The following TXK variants were observed in gnomAD, a reference collection of about 807,000 sequenced individuals.
The protein encoded by TXK is tyrosine-protein kinase TXK.
A neutral mutation model predicts 81.0 loss-of-function variants in TXK; 60 were observed. The observed-to-expected ratio is 0.74, with a 90% confidence interval of 0.60 to 0.92. The LOEUF (loss-of-function observed/expected upper bound fraction) is 0.92. Among genes scored for constraint, TXK ranks in the 40% least tolerant of loss-of-function variants. TXK has a pLI of 0.00. For synonymous variants in TXK, 203 were observed against 210.7 expected, an observed-to-expected ratio of 0.96 and a Z score of 0.32; for missense variants, 581 against 638.3, an observed-to-expected ratio of 0.91 and a Z score of 0.97.
rs562321515 is a variant in TXK, at chr4:48,101,000, T to A, written c.501+3901A>T. On this transcript the variant is annotated intron_variant, in intron 6 of 14. Transcript: ENST00000264316. ...AAGAAAATATATTTGAACTTACTTG[T>A]GTATGTATTAAATATCTTGGAAAGG... Among the ~76,000 whole-genome samples the A allele has an allele frequency of 5.3e-5, 8 of 152,186 alleles. No individual in the cohort carries two copies. The South Asian group carries it at 1.2e-3, about 24-fold the overall frequency.
intron 10 of TXK, 136 bp from the exon 11 acceptor site, chr4:48,080,264 G>T: frequency 1.4e-6 from 1 of 717,340 alleles, no homozygotes; most frequent in South Asian, 1.8e-5. Flanking sequence ...AAACACAGAG[G>T]AAGTAGTTCA....
At chr4:48,119,605 C>T (rs1459362674) in intron 1 of TXK, among the ~76,000 whole-genome samples, 1 of 152,040 alleles carries the variant, frequency 6.6e-6, no homozygotes, top group Non-Finnish European at 1.5e-5. Flanking sequence ...TTTCCATGGC[C>T]CACCCAAAGA....
intron 12 of TXK, 129 bp from the exon 13 acceptor site, chr4:48,074,182 C>G (rs1014676653): frequency 4.5e-6 from 3 of 666,990 alleles, no homozygotes; most frequent in Non-Finnish European, 7.9e-6. Flanking sequence ...TGGATGCCTT[C>G]TTGTTAGTAG....
chr4:48,109,553 A>C lies in TXK; in HGVS notation c.446+985T>G, dbSNP rs545124710. 6.6e-5 allele frequency: 10 copies of C among 152,450 alleles called. No homozygotes were observed. In the East Asian group the frequency reaches 1.7e-3, roughly 26 times the overall value. The allele number at this position is 152,450 out of a possible 1,614,324, so 9.4% of individuals were successfully genotyped here. A position where few individuals can be genotyped will look rare whatever the true frequency, so the allele number is the denominator to read the frequency against. ...GGTGGGAAAAGAGAGAAGAGATCCT[A>C]TGATGGAGCTGAGGAGAGTGACTGG... On this transcript the variant is annotated intron_variant, in intron 5 of 14. Coordinates refer to ENST00000264316, the MANE Select transcript of TXK (RefSeq NM_003328.3).
At chr4:48,094,926 C>G (rs1480634631) in intron 7 of TXK, among the ~76,000 whole-genome samples, 1 of 152,222 alleles carries the variant, frequency 6.6e-6, no homozygotes, top group Non-Finnish European at 1.5e-5. Context: ...TAATCTCCCC[C>G]TCTTTACTTT....
intron 5 of TXK, among the ~76,000 whole-genome samples, chr4:48,106,476 T>C (rs1358775505): frequency 6.6e-6 from 1 of 151,984 alleles, no homozygotes; most frequent in African/African-American, 2.4e-5. Flanking sequence ...GACCAAATGA[T>C]GTGTATGAAG....
chr4:48,126,019 T>C (rs1447485673), intron 1 of TXK, among the ~76,000 whole-genome samples: 1 of 152,242 alleles, frequency 6.6e-6, no homozygotes, highest in Non-Finnish European at 1.5e-5. Flanking sequence ...CACAGAAACA[T>C]CCAGAATAAT....
chr4:48,110,543 T>G lies in TXK; in HGVS notation c.441A>C (p.Ile147=), dbSNP rs1350574189. 1 of 1,605,610 alleles carries G rather than the reference T, an allele frequency of 6.2e-7. No homozygotes were observed. ...ATATTTTGGAGAAGACTTACTCATA[T>G]ATTTCTAAATTAGTTATTTTGTTTT... ...VTENKITNLE[I]YEWYHRNITR... Residue 147 remains isoleucine (I), a synonymous_variant, in exon 5 of 15, where the codon ATA becomes ATC. Transcript: ENST00000264316.
intron 14 of TXK, among the ~76,000 whole-genome samples, chr4:48,070,160 C>G (rs1716780014): frequency 6.6e-6 from 1 of 152,144 alleles, no homozygotes; most frequent in African/African-American, 2.4e-5. Context: ...GCTGCAATTT[C>G]CAGCTGAAAC....
chr4:48,087,561 A>T (rs969024069), intron 9 of TXK, among the ~76,000 whole-genome samples: 1 of 151,866 alleles, frequency 6.6e-6, no homozygotes, highest in Non-Finnish European at 1.5e-5. Context: ...TCAGCCTCCC[A>T]AGTAGCTGGG....
At chr4:48,069,333 T>TTC (rs71654888) in intron 14 of TXK, among the ~76,000 whole-genome samples, 76,823 of 140,850 alleles carry the variant, frequency 0.55, 20,404 homozygotes, top group East Asian at 0.9. Context: ...TTTCTTTTTT[T>TTC]TTTTTTTTTT....
intron 5 of TXK, 144 bp downstream of exon 5, chr4:48,110,394 T>C (rs1410803268): frequency 9.7e-6 from 6 of 617,828 alleles, no homozygotes; most frequent in South Asian, 7.7e-5. Flanking sequence ...GAATCAACCA[T>C]GATAAGGATC....
At chr4:48,117,386 A>T (rs1351396412) in intron 1 of TXK, among the ~76,000 whole-genome samples, 1 of 152,172 alleles carries the variant, frequency 6.6e-6, no homozygotes, top group Admixed American at 6.5e-5. Flanking sequence ...AATAAAGCTA[A>T]TGCATTCCCT....
intron 11 of TXK, among the ~76,000 whole-genome samples, chr4:48,078,395 T>C (rs1426200955): frequency 6.6e-6 from 1 of 152,238 alleles, no homozygotes; most frequent in Non-Finnish European, 1.5e-5. Flanking sequence ...GTGAGTAATA[T>C]GATCACTTTG....
At chr4:48,134,119 G>C in intron 1 of TXK, 36 bp downstream of exon 1, 1 of 1,610,784 alleles carries the variant, frequency 6.2e-7, no homozygotes, top group Non-Finnish European at 8.5e-7. Flanking sequence ...CCCAGAACAA[G>C]CCCCAAAAAT....
At chr4:48,069,660 C>A (rs746972262) in intron 14 of TXK, among the ~76,000 whole-genome samples, 62 of 152,160 alleles carry the variant, frequency 4.1e-4, no homozygotes, top group Non-Finnish European at 7.8e-4. Flanking sequence ...ATCGACATAA[C>A]CACACCATTG....
At chr4:48,131,545 A>T (rs1719247776) in intron 1 of TXK, among the ~76,000 whole-genome samples, 1 of 152,196 alleles carries the variant, frequency 6.6e-6, no homozygotes, top group Admixed American at 6.5e-5. Flanking sequence ...ACCCAGCAGA[A>T]AATGTAGCCA....
chr4:48,093,971 T>C lies in TXK; in HGVS notation c.709+106A>G, dbSNP rs1507916. On this transcript the variant is annotated intron_variant, in intron 8 of 14. Coordinates refer to ENST00000264316, the MANE Select transcript of TXK (RefSeq NM_003328.3). ...TAAGTTGTACTTCAAGCTTTTAAACTATTTCTATAGGGAGATTTGCTCCTG... is the reference window on the plus strand; with the variant it reads ...TAAGTTGTACTTCAAGCTTTTAAACCATTTCTATAGGGAGATTTGCTCCTG... 11,209 of 1,417,352 alleles carry C rather than the reference T, an allele frequency of 7.9e-3. 663 individuals are homozygous for C. The African/African-American group carries it at 0.13, about 17-fold the overall frequency. 87.8% of individuals were successfully genotyped at this position (1,417,352 alleles called of 1,614,324 possible). A position where few individuals can be genotyped will look rare whatever the true frequency, so the allele number is the denominator to read the frequency against.
At chr4:48,078,514 A>G (rs548128013) in intron 11 of TXK, among the ~76,000 whole-genome samples, 9 of 152,244 alleles carry the variant, frequency 5.9e-5, no homozygotes, top group Non-Finnish European at 1.3e-4. Context: ...GAAATGAGAC[A>G]TGGAAGAACA....
Sources: gnomAD v4.1 joint callset for allele counts (sites outside exome capture counted in the v4.1 genomes callset) on GRCh38, gnomAD v4.1.1 for gene constraint, MANE v1.5 for transcripts, NCBI Gene and HGNC (gene_info 2026-07-23, HGNC 2026-07-21) for gene names.